CCDC30: variants seen among roughly 807,000 people sequenced by gnomAD.
CCDC30 encodes coiled-coil domain containing 30, also known as coiled-coil domain-containing protein 30.
A neutral mutation model predicts 100.2 loss-of-function variants in CCDC30; 70 were observed. That is an observed-to-expected ratio of 0.70 (90% CI 0.58 to 0.85). CCDC30 has a LOEUF of 0.85. CCDC30 is among the 40% of genes least tolerant of loss of function. The pLI, the probability that CCDC30 is intolerant of heterozygous loss-of-function variation, is 0.00. For missense variants in CCDC30, 652 were observed against 771.2 expected (o/e 0.85, Z 1.83); for synonymous variants, 233 against 269.5 (o/e 0.86, Z 1.33).
chr1:42,543,023 C>T (rs1365486416), intron 6 of CCDC30, among the ~76,000 whole-genome samples: 1 of 152,112 alleles, frequency 6.6e-6, no homozygotes, highest in Non-Finnish European at 1.5e-5. Flanking sequence ...AAAAATAATG[C>T]AAGCTCATTA....
chr1:42,598,072 G>A (rs186078296), intron 10 of CCDC30, among the ~76,000 whole-genome samples: 2 of 152,268 alleles, frequency 1.3e-5, no homozygotes, highest in East Asian at 1.9e-4. Context: ...GGAGGTTGAG[G>A]TGGGAGGATC....
At chr1:42,603,583 A>C (rs148983481) in intron 10 of CCDC30, among the ~76,000 whole-genome samples, 1 of 152,342 alleles carries the variant, frequency 6.6e-6, no homozygotes, top group East Asian at 1.9e-4. Flanking sequence ...ATACTACTAC[A>C]TACCTATTAG....
chr1:42,611,288 A>G (rs995515460), intron 11 of CCDC30, among the ~76,000 whole-genome samples, 198 bp downstream of exon 15: 7 of 152,156 alleles, frequency 4.6e-5, no homozygotes, highest in African/African-American at 1.4e-4. Context: ...TTCTCAAGAG[A>G]GGGAAGGAGA....
chr1:42,529,087 C>T (rs1205524981), intron 6 of CCDC30, among the ~76,000 whole-genome samples: 3 of 152,170 alleles, frequency 2.0e-5, no homozygotes, highest in Non-Finnish European at 4.4e-5. Context: ...AATCCTTTCA[C>T]TTACATCATC....
chr1:42,641,574 A>C (rs35046435), intron 12 of CCDC30, among the ~76,000 whole-genome samples: 2 of 151,738 alleles, frequency 1.3e-5, no homozygotes, highest in South Asian at 2.1e-4. Context: ...ACAAAAAAAA[A>C]CAAAAAAAAC....
intron 3 of CCDC30, among the ~76,000 whole-genome samples, chr1:42,487,459 G>T (rs1296152815): frequency 6.6e-6 from 1 of 152,078 alleles, no homozygotes; most frequent in Non-Finnish European, 1.5e-5. Flanking sequence ...TCTAGATGCT[G>T]CTGTGAAGAG....
intron 6 of CCDC30, among the ~76,000 whole-genome samples, chr1:42,551,556 A>G (rs1024129599): frequency 3.9e-5 from 6 of 152,156 alleles, no homozygotes; most frequent in African/African-American, 1.4e-4. Flanking sequence ...TCAACTCCAT[A>G]TAATTTTTGG....
chr1:42,463,313 C>G (rs1316151398), exon 1 of CCDC30: 6 of 152,272 alleles, frequency 3.9e-5, no homozygotes, highest in Non-Finnish European at 8.8e-5. Context: ...TCCGTAGGCA[C>G]CTGCAGCTAG....
chr1:42,636,931 A>G (rs1647169089), intron 11 of CCDC30, among the ~76,000 whole-genome samples: 1 of 127,376 alleles, frequency 7.9e-6, no homozygotes, highest in Admixed American at 1.0e-4. Flanking sequence ...CTGCCATTGC[A>G]CTCCAGCCTG....
chr1:42,627,130 C>A (rs966095584), intron 11 of CCDC30, among the ~76,000 whole-genome samples: 2 of 152,040 alleles, frequency 1.3e-5, no homozygotes, highest in African/African-American at 2.4e-5. Flanking sequence ...ACAATAAGGT[C>A]CAGGCTGAGA....
At chr1:42,548,469 A>G (rs1557844700) in intron 6 of CCDC30, among the ~76,000 whole-genome samples, 1 of 152,146 alleles carries the variant, frequency 6.6e-6, no homozygotes. Flanking sequence ...TAAACTCTAT[A>G]TTGGATTTGG....
chr1:42,503,223 G>A (rs183820252), intron 6 of CCDC30, among the ~76,000 whole-genome samples: 66 of 152,212 alleles, frequency 4.3e-4, no homozygotes, highest in East Asian at 1.9e-4. Context: ...AAATACCTGG[G>A]GTTCGTCATC....
At chr1:42,558,756 A>G (rs573903695) in intron 6 of CCDC30, among the ~76,000 whole-genome samples, 29 of 152,220 alleles carry the variant, frequency 1.9e-4, no homozygotes, top group Non-Finnish European at 3.2e-4. Context: ...TCCCAAACCT[A>G]GCAAGACAGG....
At chr1:42,475,994 C>G (rs915637503) in intron 1 of CCDC30, among the ~76,000 whole-genome samples, 1 of 151,934 alleles carries the variant, frequency 6.6e-6, no homozygotes, top group Non-Finnish European at 1.5e-5. Context: ...AGATGAAGAC[C>G]CAAAGAAGCA....
intron 4 of CCDC30, chr1:42,492,022 A>T (rs1293549530): frequency 3.7e-6 from 2 of 541,566 alleles, no homozygotes; most frequent in Non-Finnish European, 6.6e-6. Context: ...CAGGAAAAAA[A>T]CTAACTTCCA....
At chr1:42,587,459 G>A (rs1646096664) in intron 9 of CCDC30, among the ~76,000 whole-genome samples, 1 of 152,266 alleles carries the variant, frequency 6.6e-6, no homozygotes, top group East Asian at 1.9e-4. Context: ...CATAATAGCA[G>A]GTATACAGTG....
chr1:42,650,497 A>ATATATGTGTGTGTGTGTGTGTG (rs1181889086), intron 15 of CCDC30, among the ~76,000 whole-genome samples: 3 of 136,294 alleles, frequency 2.2e-5, no homozygotes, highest in African/African-American at 8.4e-5. Context: ...AAAAATATAT[A>ATATATGTGTGTGTGTGTGTGTG]TGTGTGTGTG....
In CCDC30 at chr1:42,583,913, CTTGATA is replaced by C. The variant is rs1009793217; in HGVS notation, c.1001+2400_1001+2405del. ...CATGTCAGTTCTTGCTGCCTCTAAC[CTTGATA>C]AAGTGTAGGTATCCTACAGGAAAAA... On this transcript the variant is annotated intron_variant, in intron 9 of 16. Coordinates refer to ENST00000668663, the Ensembl canonical transcript of CCDC30. 1.9e-4 allele frequency among the ~76,000 whole-genome samples: 29 copies of C among 152,152 alleles called. 1 individual carries two copies. The highest frequency in any genetic ancestry group is 2.9e-5 in the Non-Finnish European group (2 of 68,034).
intron 11 of CCDC30, among the ~76,000 whole-genome samples, chr1:42,627,001 A>G (rs1375359233): frequency 6.6e-6 from 1 of 152,260 alleles, no homozygotes; most frequent in Admixed American, 6.5e-5. Context: ...GAAGTGGATA[A>G]CAGGCAGAGG....
Sources: allele counts gnomAD v4.1 joint callset (sites outside exome capture counted in the v4.1 genomes callset), GRCh38; gene constraint gnomAD v4.1.1; transcripts MANE v1.5; gene names NCBI Gene and HGNC (gene_info 2026-07-23, HGNC 2026-07-21).